Variants in MELK observed in about 807,000 individuals in gnomAD.
The protein encoded by MELK is maternal embryonic leucine zipper kinase.
Under a neutral mutation model 85.0 loss-of-function variants are expected in MELK, and 81 were observed. That is an observed-to-expected ratio of 0.95 (90% CI 0.80 to 1.15). The LOEUF is 1.15. Ranked by LOEUF, MELK falls within the 50% of genes most tolerant of loss-of-function variation. The pLI is 0.00. For synonymous variants in MELK, 252 were observed against 265.0 expected, an observed-to-expected ratio of 0.95 and a Z score of 0.48; for missense variants, 754 against 777.5, an observed-to-expected ratio of 0.97 and a Z score of 0.36.
In MELK at chr9:36,608,865, G is replaced by A. The variant is rs564314717; in HGVS notation, c.666+1192G>A. On this transcript the variant is annotated intron_variant, in intron 8 of 17. Transcript: ENST00000298048. ...CCCAAAGTGCTGGGATTACAGGCAT[G>A]AGCCACCGCACCCGGCCCAATATAT... 3.9e-5 allele frequency among the ~76,000 whole-genome samples: 6 copies of A among 152,316 alleles called. No homozygotes were observed. The South Asian group carries it at 1.0e-3, about 26-fold the overall frequency.
intron 8 of MELK, among the ~76,000 whole-genome samples, chr9:36,629,280 G>A (rs1005822357): frequency 3.3e-5 from 5 of 152,190 alleles, no homozygotes; most frequent in African/African-American, 9.7e-5. Context: ...ATTAAACAAT[G>A]TGATTTCTGC....
chr9:36,596,447 C>T (rs1324347502), intron 5 of MELK, among the ~76,000 whole-genome samples: 9 of 151,822 alleles, frequency 5.9e-5, no homozygotes, highest in South Asian at 2.1e-4. Flanking sequence ...TTAGTAGAGA[C>T]GGGGTTTCAC....
intron 10 of MELK, 61 bp from the exon 11 acceptor site, chr9:36,642,934 ATG>A (rs1829889127): frequency 6.7e-6 from 8 of 1,190,622 alleles, no homozygotes; most frequent in Non-Finnish European, 9.6e-6. Flanking sequence ...TGATTTTAAA[ATG>A]TGAAAACATT....
intron 7 of MELK, among the ~76,000 whole-genome samples, chr9:36,605,325 C>G (rs748031516): frequency 2.0e-5 from 3 of 152,148 alleles, no homozygotes; most frequent in Non-Finnish European, 2.9e-5. Context: ...TCTCCTGCCT[C>G]AGCCTCCCAT....
Position 36,651,861 on chromosome 9 carries a change from C to G in MELK, c.1037C>G (p.Pro346Arg). The part of the protein sequence containing the change: ...SFSCGQASAT[P>R]FTDIKSNNWS... ...TCCTGTGGACAAGCCAGTGCTACCCCATTCACAGACATCAAGGTAAGTGTT... is the reference window on the plus strand; with the variant it reads ...TCCTGTGGACAAGCCAGTGCTACCCGATTCACAGACATCAAGGTAAGTGTT... The change falls in exon 12 of 18, where the codon CCA becomes CGA. Residue 346 changes from proline to arginine, a missense_variant. Coordinates refer to ENST00000298048, the MANE Select transcript of MELK (RefSeq NM_014791.4). 4.3e-6 allele frequency: 7 copies of G among 1,613,570 alleles called. No homozygotes were observed. The highest frequency in any genetic ancestry group is 5.9e-6 in the Non-Finnish European group (7 of 1,179,744).
intron 6 of MELK, 110 bp from the exon 7 acceptor site, chr9:36,599,284 G>C (rs1296087436): frequency 6.0e-6 from 4 of 663,962 alleles, no homozygotes; most frequent in Non-Finnish European, 9.1e-6. Context: ...CTGGGTGACA[G>C]AGTGAGACTC....
chr9:36,669,150 A>G (rs1393877871), intron 14 of MELK, among the ~76,000 whole-genome samples, 160 bp from the exon 15 acceptor site: 2 of 152,210 alleles, frequency 1.3e-5, no homozygotes, highest in Non-Finnish European at 1.5e-5. Flanking sequence ...TCACATGGAA[A>G]CATTTCTTGA....
intron 10 of MELK, among the ~76,000 whole-genome samples, chr9:36,640,424 CTT>C (rs1829652802): frequency 6.6e-6 from 1 of 151,782 alleles, no homozygotes; most frequent in African/African-American, 2.4e-5. Context: ...TCTGGAGCCT[CTT>C]TTCTTTCTTT....
At chr9:36,617,404 T>C (rs6476566) in intron 8 of MELK, among the ~76,000 whole-genome samples, 34,328 of 151,832 alleles carry the variant, frequency 0.23, 6,309 homozygotes, top group African/African-American at 0.51. Flanking sequence ...GCAGTCATAG[T>C]TCATTGCAAC....
In MELK at chr9:36,657,037, C is replaced by A. The variant is rs555739281; in HGVS notation, c.1054-204C>A. On this transcript the variant is annotated intron_variant, in intron 12 of 17. Transcript: ENST00000298048. ...GTAGTGTAGGAGCAACAGGCTATAA[C>A]GTACAGCCTAGGTGTGGCCTAGGTG... Among the ~76,000 whole-genome samples the A allele has an allele frequency of 1.4e-3, 214 of 152,218 alleles. 1 individual carries two copies. The highest frequency in any genetic ancestry group is 6.3e-3 in the Middle Eastern group (2 of 316).
intron 10 of MELK, among the ~76,000 whole-genome samples, chr9:36,639,631 C>T (rs979327217): frequency 1.3e-5 from 2 of 152,162 alleles, no homozygotes; most frequent in African/African-American, 4.8e-5. Flanking sequence ...GGATTCAGAG[C>T]GCTTTAAGTA....
Position 36,581,927 on chromosome 9 carries a change from C to G in MELK, c.58+188C>G, listed in dbSNP as rs1365065224. 2.6e-5 allele frequency among the ~76,000 whole-genome samples: 4 copies of G among 151,888 alleles called. No homozygotes were observed. In the East Asian group the frequency reaches 7.7e-4, roughly 29 times the overall value. On this transcript the variant is annotated intron_variant, in intron 2 of 17. Transcript: ENST00000298048. The stretch of plus-strand genomic sequence containing the variant: ...GAAGCCCTGTAGGTTATTGCAAGGA[C>G]TTTGACTTTTATTCTAAATAATTTA...
intron 17 of MELK, among the ~76,000 whole-genome samples, chr9:36,675,763 C>T (rs1261209343): frequency 6.6e-6 from 1 of 152,048 alleles, no homozygotes; most frequent in Non-Finnish European, 1.5e-5. Context: ...CCAAGATGGC[C>T]GTATTTCTAA....
chr9:36,670,739 A>G (rs942088383), intron 15 of MELK, among the ~76,000 whole-genome samples: 1 of 151,054 alleles, frequency 6.6e-6, no homozygotes, highest in Non-Finnish European at 1.5e-5. Flanking sequence ...ATATATATGA[A>G]AAAAGGATAT....
intron 5 of MELK, among the ~76,000 whole-genome samples, chr9:36,596,058 C>T (rs944502665): frequency 2.0e-5 from 3 of 152,074 alleles, no homozygotes; most frequent in Non-Finnish European, 2.9e-5. Context: ...TCAAGTGATG[C>T]GCCTGCCTTG....
intron 3 of MELK, among the ~76,000 whole-genome samples, chr9:36,586,992 G>A (rs1177295362): frequency 6.6e-6 from 1 of 151,990 alleles, no homozygotes; most frequent in African/African-American, 2.4e-5. Context: ...CTCCAGAGTA[G>A]CTGGGACCAC....
At chr9:36,674,972 A>G in intron 17 of MELK, 35 bp downstream of exon 17, 1 of 1,472,202 alleles carries the variant, frequency 6.8e-7, no homozygotes, top group African/African-American at 1.4e-5. Context: ...TGCATTTATT[A>G]GTATCTTTTG....
chr9:36,598,914 A>G (rs1230320366), intron 6 of MELK, among the ~76,000 whole-genome samples: 2 of 152,240 alleles, frequency 1.3e-5, no homozygotes, highest in Non-Finnish European at 2.9e-5. Context: ...GTGCATGCAC[A>G]CATGTATACA....
intron 2 of MELK, 105 bp downstream of exon 2, chr9:36,581,844 ATTC>A (rs1484172302): frequency 2.4e-6 from 2 of 842,776 alleles, no homozygotes; most frequent in African/African-American, 3.4e-5. Context: ...CAGTTTTAAA[ATTC>A]TTCTACCTAC....
Sources: allele counts gnomAD v4.1 joint callset (sites outside exome capture counted in the v4.1 genomes callset), GRCh38; gene constraint gnomAD v4.1.1; transcripts MANE v1.5; gene names NCBI Gene and HGNC (gene_info 2026-07-23, HGNC 2026-07-21).